The following EFL1 variants were observed in gnomAD, a reference collection of about 807,000 sequenced individuals.
The protein encoded by EFL1 is elongation factor-like GTPase 1.
Under a neutral mutation model 126.7 loss-of-function variants are expected in EFL1, and 76 were observed. The observed-to-expected ratio is 0.60, with a 90% confidence interval of 0.50 to 0.73. EFL1 has a LOEUF of 0.73. Among genes scored for constraint, EFL1 ranks in the 30% least tolerant of loss-of-function variants. The pLI is 0.00. For missense variants in EFL1, 1,128 were observed against 1,343.2 expected (o/e 0.84, Z 2.50); for synonymous variants, 410 against 448.4 (o/e 0.91, Z 1.08).
chr15:82,173,125 C>T (rs1351995905), intron 15 of EFL1, among the ~76,000 whole-genome samples: 3 of 151,738 alleles, frequency 2.0e-5, no homozygotes, highest in Non-Finnish European at 4.4e-5. Flanking sequence ...TCGAAAGCAC[C>T]CTTCAATATC....
At chr15:82,189,681 A>C (rs1373153346) in intron 15 of EFL1, among the ~76,000 whole-genome samples, 2 of 152,126 alleles carry the variant, frequency 1.3e-5, no homozygotes, top group Admixed American at 6.5e-5. Flanking sequence ...GTGTTCTTTC[A>C]ATGAGAGCCC....
At chr15:82,205,051 T>C (rs1292062199) in intron 15 of EFL1, among the ~76,000 whole-genome samples, 1 of 152,162 alleles carries the variant, frequency 6.6e-6, no homozygotes, top group Non-Finnish European at 1.5e-5. Flanking sequence ...GGTGGCTCTA[T>C]GGCAGGGGAG....
At position 82,201,547 on chromosome 15, in the gene EFL1, C is replaced by T. The variant is rs2651702; in HGVS notation, c.1750+13170G>A. ...TTCAGTTGAGGATTTTCCTTGTAAA[C>T]GATATCTTAAAAGAATAAATATATC... On this transcript the variant is annotated intron_variant, in intron 15 of 19. Coordinates refer to ENST00000268206, the MANE Select transcript of EFL1 (RefSeq NM_024580.6). Among the ~76,000 whole-genome samples, 8 of 152,134 alleles carry T rather than the reference C, an allele frequency of 5.3e-5. No individual in the cohort carries two copies. The South Asian group carries it at 6.2e-4, about 12-fold the overall frequency.
intron 12 of EFL1, among the ~76,000 whole-genome samples, chr15:82,224,478 G>A (rs1396166888): frequency 6.6e-6 from 1 of 152,174 alleles, no homozygotes; most frequent in Non-Finnish European, 1.5e-5. Flanking sequence ...AGACAGTGAG[G>A]ATCATTAAGG....
At position 82,130,280 on chromosome 15, in the gene EFL1, G is replaced by C; in HGVS notation, c.*93C>G. On this transcript the variant is annotated 3_prime_UTR_variant, in exon 20 of 20. Coordinates refer to ENST00000268206, the MANE Select transcript of EFL1 (RefSeq NM_024580.6). ...ACTTTATTGAAAGTGAATAAACAGA[G>C]ATAATGTGGCAAAAAGAAATTTTCC... 2 of 1,289,770 alleles carry C rather than the reference G, an allele frequency of 1.6e-6. No homozygotes were observed. The highest frequency in any genetic ancestry group is 2.1e-6 in the Non-Finnish European group (2 of 940,838). The allele number at this position is 1,289,770 out of a possible 1,614,324, so 79.9% of individuals were successfully genotyped here.
chr15:82,144,970 C>A (rs1484917132), intron 18 of EFL1, among the ~76,000 whole-genome samples: 1 of 146,782 alleles, frequency 6.8e-6, no homozygotes, highest in Non-Finnish European at 1.5e-5. Context: ...TCCAGCTGGG[C>A]AACAGAGCAA....
intron 19 of EFL1, among the ~76,000 whole-genome samples, chr15:82,134,323 C>G (rs2073696523): frequency 6.6e-6 from 1 of 151,952 alleles, no homozygotes. Flanking sequence ...CAGAAAGGAC[C>G]CTCCAGGCCA....
Position 82,164,007 on chromosome 15 carries a change from C to A in EFL1, c.1751-23G>T, listed in dbSNP as rs201715677. The A allele has an allele frequency of 5.0e-6, 8 of 1,612,006 alleles. No homozygotes were observed. In the East Asian group the frequency reaches 1.3e-4, roughly 27 times the overall value. ...TTCCTGTAGGAAGAAAAGATCCATA[C>A]GGTCAATAAGGGATGATAAATTCTG... On this transcript the variant is annotated intron_variant, in intron 15 of 19. Coordinates refer to ENST00000268206, the MANE Select transcript of EFL1 (RefSeq NM_024580.6).
intron 16 of EFL1, among the ~76,000 whole-genome samples, chr15:82,161,462 A>G (rs998550939): frequency 6.6e-6 from 1 of 152,240 alleles, no homozygotes; most frequent in Non-Finnish European, 1.5e-5. Context: ...ATGTAAAATA[A>G]CATGTGGACA....
intron 3 of EFL1, among the ~76,000 whole-genome samples, chr15:82,254,067 A>T (rs1349717486): frequency 6.6e-6 from 1 of 152,210 alleles, no homozygotes; most frequent in East Asian, 1.9e-4. Context: ...TAATTCTGAA[A>T]TTTTCAGAAA....
intron 15 of EFL1, among the ~76,000 whole-genome samples, chr15:82,168,763 C>A (rs55914836): frequency 1.3e-5 from 2 of 152,236 alleles, no homozygotes; most frequent in East Asian, 1.9e-4. Context: ...ATCCGCCCTC[C>A]TTGGCCTCCC....
chr15:82,161,335 G>C (rs2074022469), intron 16 of EFL1, among the ~76,000 whole-genome samples: 1 of 152,104 alleles, frequency 6.6e-6, no homozygotes, highest in African/African-American at 2.4e-5. Flanking sequence ...CGAATAAGGG[G>C]GTCACTGCCC....
At chr15:82,247,663 G>A (rs965525734) in intron 4 of EFL1, among the ~76,000 whole-genome samples, 3 of 152,122 alleles carry the variant, frequency 2.0e-5, no homozygotes, top group Admixed American at 6.5e-5. Context: ...TCAGAAGACA[G>A]CCAGGCAGAA....
chr15:82,164,599 T>C (rs987999059), intron 15 of EFL1, among the ~76,000 whole-genome samples: 2 of 152,104 alleles, frequency 1.3e-5, no homozygotes, highest in African/African-American at 2.4e-5. Context: ...AAGAATGTCT[T>C]AGAAAGAGTG....
intron 15 of EFL1, among the ~76,000 whole-genome samples, chr15:82,182,351 A>G (rs543523922): frequency 6.6e-6 from 1 of 152,356 alleles, no homozygotes; most frequent in Admixed American, 6.5e-5. Flanking sequence ...GTGATTGACA[A>G]TAGGTTTGGT....
At chr15:82,257,761 TA>T (rs747651144) in intron 3 of EFL1, among the ~76,000 whole-genome samples, 5 of 152,210 alleles carry the variant, frequency 3.3e-5, no homozygotes, top group Non-Finnish European at 1.5e-5. Context: ...TTAAAGTCCA[TA>T]GTTTACATTA....
At chr15:82,184,403 A>T (rs182036444) in intron 15 of EFL1, among the ~76,000 whole-genome samples, 1 of 152,326 alleles carries the variant, frequency 6.6e-6, no homozygotes, top group African/African-American at 2.4e-5. Flanking sequence ...AATGGAAAAG[A>T]CAAAATCCTG....
At chr15:82,167,849 T>C (rs1329440872) in intron 15 of EFL1, among the ~76,000 whole-genome samples, 6 of 152,244 alleles carry the variant, frequency 3.9e-5, no homozygotes, top group Non-Finnish European at 7.3e-5. Flanking sequence ...CGTTAGAATA[T>C]GGTCTCTTAA....
rs890360766 is a variant in EFL1 at position 82,245,273 on chromosome 15, T to C, written c.245-3870A>G. Among the ~76,000 whole-genome samples the C allele has an allele frequency of 3.1e-4, 47 of 151,990 alleles. 1 individual carries two copies. Among genetic ancestry groups the C allele is most frequent in the African/African-American group, 1.1e-3 (45 of 41,310 alleles). On this transcript the variant is annotated intron_variant, in intron 4 of 19. Transcript: ENST00000268206. ...CTCAAGCGATCCTCCTGCCTCAGCC[T>C]CCCAAGTAGCAGGGACTGCAGGCAC...
Sources: allele counts gnomAD v4.1 joint callset (sites outside exome capture counted in the v4.1 genomes callset), GRCh38; gene constraint gnomAD v4.1.1; transcripts MANE v1.5; gene names NCBI Gene and HGNC (gene_info 2026-07-23, HGNC 2026-07-21).